The following WDR49 variants were observed in gnomAD, a reference collection of about 807,000 sequenced individuals.
WDR49 encodes the protein cilia- and flagella-associated protein 337.
Under a neutral mutation model 119.5 loss-of-function variants are expected in WDR49, and 107 were observed. The observed-to-expected ratio is 0.90, with a 90% CI of 0.77 to 1.05. The LOEUF (loss-of-function observed/expected upper bound fraction) is 1.05. Ranked by LOEUF, WDR49 falls within the 50% of genes least tolerant of loss-of-function variation. WDR49 has a pLI of 0.00. For synonymous variants in WDR49, 425 were observed against 418.8 expected (o/e 1.01, Z -0.18); for missense variants, 1,240 against 1,220.5 (o/e 1.02, Z -0.24).
intron 10 of WDR49, among the ~76,000 whole-genome samples, chr3:167,546,888 A>G (rs1712237819): frequency 6.6e-6 from 1 of 151,774 alleles, no homozygotes; most frequent in Non-Finnish European, 1.5e-5. Context: ...CTGTTCTTCA[A>G]TTCATTGCTT....
At chr3:167,511,909 G>A (rs1751991170) in intron 16 of WDR49, among the ~76,000 whole-genome samples, 1 of 152,106 alleles carries the variant, frequency 6.6e-6, no homozygotes, top group African/African-American at 2.4e-5. Context: ...GCCTCCCTGT[G>A]GTAACTTCAG....
chr3:167,529,134 G>A lies in WDR49; in HGVS notation c.2324C>T (p.Ser775Leu), dbSNP rs747703419. The A allele has an allele frequency of 1.2e-6, 2 of 1,611,626 alleles. No homozygotes were observed. The highest frequency in any genetic ancestry group is 1.7e-6 in the Non-Finnish European group (2 of 1,179,090). Residue 775 changes from serine (S) to leucine (L), a missense_variant, in exon 14 of 19, where the codon TCG (serine) becomes TTG (leucine). Transcript: ENST00000682715. ...AEFLAHSGVG[S>L]IIMSTDKMNR... ...CATCTTATCAGTAGACATAATAATC[G>A]ATCCAACTCCACTATGAGCCAAAAA... is the stretch of plus-strand genomic sequence containing the variant.
intron 10 of WDR49, among the ~76,000 whole-genome samples, chr3:167,551,580 C>A (rs970237999): frequency 1.3e-5 from 2 of 151,956 alleles, no homozygotes; most frequent in African/African-American, 2.4e-5. Flanking sequence ...TCTAACTCAG[C>A]GGCCTACTAA....
chr3:167,513,357 A>C (rs1049101493), intron 16 of WDR49, among the ~76,000 whole-genome samples: 5 of 152,120 alleles, frequency 3.3e-5, no homozygotes, highest in African/African-American at 7.2e-5. Context: ...ATCAAACCAA[A>C]CTAAGCTTAA....
At position 167,621,547 on chromosome 3, in the gene WDR49, T is replaced by C. The variant is rs1480010281; in HGVS notation, c.703A>G (p.Thr235Ala). Residue 235 changes from threonine to alanine, a missense_variant, in exon 4 of 19, where the codon ACA (threonine) becomes GCA (alanine). Coordinates refer to ENST00000682715, the MANE Select transcript of WDR49 (RefSeq NM_001366157.1). Reference protein sequence around the residue: ...CQYKLQGLKGTPICMDYWYDP... With the variant: ...CQYKLQGLKGAPICMDYWYDP... Reference sequence around the variant, plus strand: ...TACCAATAATCCATGCAAATTGGTGTTCCTTTCAGGCCTTGGAGTTTGTAT... The same window carrying C: ...TACCAATAATCCATGCAAATTGGTGCTCCTTTCAGGCCTTGGAGTTTGTAT... The C allele has an allele frequency of 5.2e-6, 8 of 1,535,682 alleles. No homozygotes were observed. The highest frequency in any genetic ancestry group is 1.7e-4 in the Middle Eastern group (1 of 5,980).
intron 18 of WDR49, among the ~76,000 whole-genome samples, chr3:167,488,211 C>G (rs1349049956): frequency 1.4e-5 from 2 of 145,024 alleles, no homozygotes; most frequent in African/African-American, 2.5e-5. Flanking sequence ...TACTATGCAA[C>G]CATAAAAAAT....
chr3:167,569,870 T>C (rs1398364898), intron 8 of WDR49, among the ~76,000 whole-genome samples: 1 of 152,132 alleles, frequency 6.6e-6, no homozygotes, highest in Non-Finnish European at 1.5e-5. Flanking sequence ...GGCATGAAGA[T>C]AAGAGAAAAT....
upstream of WDR49, among the ~76,000 whole-genome samples, chr3:167,656,555 A>G (rs1320272838): frequency 6.6e-6 from 1 of 152,222 alleles, no homozygotes; most frequent in East Asian, 1.9e-4. Flanking sequence ...TAGCTTCCAT[A>G]AAGTTGCAGC....
At chr3:167,515,217 A>C (rs975801520) in intron 16 of WDR49, among the ~76,000 whole-genome samples, 1 of 152,220 alleles carries the variant, frequency 6.6e-6, no homozygotes, top group Non-Finnish European at 1.5e-5. Flanking sequence ...TCCCTGATGA[A>C]CATTGATGCA....
intron 2 of WDR49, among the ~76,000 whole-genome samples, chr3:167,631,149 G>C (rs1717352630): frequency 6.6e-6 from 1 of 152,034 alleles, no homozygotes; most frequent in Admixed American, 6.6e-5. Flanking sequence ...ATAGCGTTAG[G>C]AGAAATAACC....
intron 10 of WDR49, among the ~76,000 whole-genome samples, chr3:167,538,770 G>C (rs753893531): frequency 1.1e-4 from 16 of 152,140 alleles, no homozygotes; most frequent in South Asian, 2.1e-4. Context: ...ATCAAAGAAG[G>C]CTGAGTTGAA....
intron 9 of WDR49, among the ~76,000 whole-genome samples, chr3:167,559,212 C>A (rs1713118929): frequency 6.6e-6 from 1 of 152,176 alleles, no homozygotes; most frequent in Admixed American, 6.5e-5. Context: ...CCATCACTCT[C>A]CCCTACAGCT....
intron 10 of WDR49, among the ~76,000 whole-genome samples, chr3:167,553,645 G>A (rs1382391329): frequency 3.3e-5 from 5 of 152,056 alleles, no homozygotes; most frequent in African/African-American, 4.8e-5. Flanking sequence ...TAAGTATAGC[G>A]ATCATTAGAT....
At chr3:167,594,053 A>G (rs1240439597) in intron 7 of WDR49, among the ~76,000 whole-genome samples, 1 of 152,188 alleles carries the variant, frequency 6.6e-6, no homozygotes, top group Non-Finnish European at 1.5e-5. Context: ...TCTTTCCTTT[A>G]TAAGTTACCC....
intron 3 of WDR49, among the ~76,000 whole-genome samples, chr3:167,622,139 T>C (rs1470230956): frequency 1.3e-5 from 2 of 152,052 alleles, no homozygotes; most frequent in African/African-American, 4.8e-5. Context: ...CAATAGAAAA[T>C]GTCCCTGTAG....
chr3:167,624,630 C>T (rs1325046295), intron 3 of WDR49, among the ~76,000 whole-genome samples: 1 of 151,850 alleles, frequency 6.6e-6, no homozygotes, highest in Non-Finnish European at 1.5e-5. Context: ...AATTATATTT[C>T]AATAAACCTA....
In WDR49 at chr3:167,531,199, G is replaced by T. The variant is rs368438338; in HGVS notation, c.2134C>A (p.Arg712Ser). 6.2e-7 allele frequency: 1 copy of T among 1,611,800 alleles called. No individual in the cohort carries two copies. Among genetic ancestry groups the T allele is most frequent in the Non-Finnish European group, 8.5e-7 (1 of 1,179,572 alleles). ...CCCTCAGTGTCAATCTCAAAGTTGC[G>T]GACTCCCGTGGTAGAATGGTCTGCC... is the stretch of plus-strand genomic sequence containing the variant. The part of the protein sequence containing the change: ...PMADHSTTGV[R>S]NFEIDTEGKN... The change falls in exon 13 of 19, where the codon CGC (arginine) becomes AGC (serine). Residue 712 changes from arginine to serine, a missense_variant. Transcript: ENST00000682715.
chr3:167,561,750 C>G (rs1319387338), intron 8 of WDR49, among the ~76,000 whole-genome samples: 1 of 152,086 alleles, frequency 6.6e-6, no homozygotes, highest in Non-Finnish European at 1.5e-5. Context: ...TATGAAAACT[C>G]TGTGAAATAA....
intron 5 of WDR49, among the ~76,000 whole-genome samples, chr3:167,614,561 A>C (rs928334325): frequency 6.6e-6 from 1 of 152,242 alleles, no homozygotes; most frequent in Non-Finnish European, 1.5e-5. Flanking sequence ...GCATTTCAGA[A>C]TGTAATTATT....
Sources: allele counts gnomAD v4.1 joint callset (sites outside exome capture counted in the v4.1 genomes callset), GRCh38; gene constraint gnomAD v4.1.1; transcripts MANE v1.5; gene names NCBI Gene and HGNC (gene_info 2026-07-23, HGNC 2026-07-21).